Variants in KIF13A observed in about 807,000 individuals in gnomAD.
KIF13A encodes kinesin-like protein KIF13A.
Under a neutral mutation model 212.2 loss-of-function variants are expected in KIF13A, and 79 were observed. The ratio of observed to expected loss-of-function variants is 0.37; its 90% CI spans 0.31 to 0.45. The LOEUF (loss-of-function observed/expected upper bound fraction) is 0.45, where lower values mean the gene tolerates loss of function less well. Among genes scored for constraint, KIF13A ranks in the 20% least tolerant of loss-of-function variants. The probability of loss-of-function intolerance (pLI) is 1.00; values close to 1 mark genes in which losing one functional copy is unlikely to be tolerated. For missense variants in KIF13A, 1,901 were observed against 2,209.0 expected (o/e 0.86, Z 2.79); for synonymous variants, 789 against 808.6 (o/e 0.98, Z 0.41).
rs1308438891 is a variant in KIF13A at position 17,919,138 on chromosome 6, A to G, written c.147-20958T>C. 6.6e-6 allele frequency among the ~76,000 whole-genome samples: 1 copy of G among 152,234 alleles called. No homozygotes were observed. Among genetic ancestry groups the G allele is most frequent in the African/African-American group, 2.4e-5 (1 of 41,470 alleles). ...CTGAATAACTCCACTCTTTGGATTG[A>G]AGACCAAGTAAACATACATATAGTG... On this transcript the variant is annotated intron_variant, in intron 2 of 38. Coordinates refer to ENST00000259711, the MANE Select transcript of KIF13A (RefSeq NM_022113.6). This position sits in a 1 kb window ranked among gnomAD's most constrained non-coding sequence, Gnocchi z 4.1.
At chr6:17,923,698 A>G (rs1225867072) in intron 2 of KIF13A, among the ~76,000 whole-genome samples, 2 of 152,248 alleles carry the variant, frequency 1.3e-5, no homozygotes, top group East Asian at 3.8e-4. Flanking sequence ...GGAGCAGACC[A>G]AAATCTTTCA....
chr6:17,813,383 G>T (rs981740336), intron 17 of KIF13A, among the ~76,000 whole-genome samples: 1 of 152,100 alleles, frequency 6.6e-6, no homozygotes, highest in African/African-American at 2.4e-5. Context: ...GGGAGGCAGA[G>T]GTAGGAGAAT....
chr6:17,967,095 C>T lies in KIF13A; in HGVS notation c.146+19959G>A, dbSNP rs2150599767. Among the ~76,000 whole-genome samples the T allele has an allele frequency of 6.6e-6, 1 of 152,238 alleles. No individual in the cohort carries two copies. Among genetic ancestry groups the T allele is most frequent in the Non-Finnish European group, 1.5e-5 (1 of 68,020 alleles). ...TGCACTTTCTCAGGGGAAAAGTAAT[C>T]CGAGGAGATAAAAACTTTGGTGAAG... On this transcript the variant is annotated intron_variant, in intron 2 of 38. Coordinates refer to ENST00000259711, the MANE Select transcript of KIF13A (RefSeq NM_022113.6). The surrounding 1 kb of genome is among the most constrained non-coding windows in gnomAD (Gnocchi z 4.1).
chr6:17,987,402 T>G lies in KIF13A; in HGVS notation c.55+7A>C, dbSNP rs769304775. The G allele has an allele frequency of 1.5e-6, 2 of 1,369,960 alleles. No individual in the cohort carries two copies. Among genetic ancestry groups the G allele is most frequent in the East Asian group, 8.7e-5 (2 of 23,084 alleles). The allele number at this position is 1,369,960 out of a possible 1,614,324, so 84.9% of individuals were successfully genotyped here. A position where few individuals can be genotyped will look rare whatever the true frequency, so the allele number is the denominator to read the frequency against. The stretch of plus-strand genomic sequence containing the variant: ...GCAGAAATAAAAAAGAGCGGAAAGC[T>G]CCTCACCTCGTCGGTTCATGGGCCG... On this transcript the variant is annotated splice_region_variant and intron_variant, in intron 1 of 38. Transcript: ENST00000259711. This position sits in a 1 kb window ranked among gnomAD's most constrained non-coding sequence, Gnocchi z 7.7.
At chr6:17,873,350 T>G (rs756380188) in intron 4 of KIF13A, 27 bp downstream of exon 4, 52 of 1,517,376 alleles carry the variant, frequency 3.4e-5, no homozygotes, top group Non-Finnish European at 4.5e-5. Flanking sequence ...GAAGCCCAAC[T>G]GTCAGGTGTA....
At chr6:17,913,223 G>A (rs374429687) in intron 2 of KIF13A, among the ~76,000 whole-genome samples, 32 of 37,138 alleles carry the variant, frequency 8.6e-4, no homozygotes, top group Non-Finnish European at 2.9e-3. Context: ...GATTACGGGA[G>A]GAGCAGGGAG....
In KIF13A at chr6:17,898,302, T is replaced by C. The variant is rs1772748503; in HGVS notation, c.147-122A>G. ...AGGTAAATTCAGCACCTTGATAACA[T>C]GATCTGAAAGATATTCTTCTTCATG... On this transcript the variant is annotated intron_variant, in intron 2 of 38. Transcript: ENST00000259711. This position sits in a 1 kb window ranked among gnomAD's most constrained non-coding sequence, Gnocchi z 5.2. The C allele has an allele frequency of 2.3e-6, 2 of 869,954 alleles. No homozygotes were observed. Among genetic ancestry groups the C allele is most frequent in the Non-Finnish European group, 3.6e-6 (2 of 553,616 alleles). The allele number at this position is 869,954 out of a possible 1,614,324, so 53.9% of individuals were successfully genotyped here.
At chr6:17,950,689 A>G in intron 2 of KIF13A, 1 of 984,796 alleles carries the variant, frequency 1.0e-6, no homozygotes, top group Non-Finnish European at 1.2e-6. Flanking sequence ...GTCCTCAAAT[A>G]CACTTTTAAT....
At position 17,967,061 on chromosome 6, in the gene KIF13A, T is replaced by C. The variant is rs1426105459; in HGVS notation, c.146+19993A>G. Among the ~76,000 whole-genome samples the C allele has an allele frequency of 6.6e-6, 1 of 152,210 alleles. No individual in the cohort carries two copies. The highest frequency in any genetic ancestry group is 2.1e-4 in the South Asian group (1 of 4,822). On this transcript the variant is annotated intron_variant, in intron 2 of 38. Coordinates refer to ENST00000259711, the MANE Select transcript of KIF13A (RefSeq NM_022113.6). This position sits in a 1 kb window ranked among gnomAD's most constrained non-coding sequence, Gnocchi z 4.1. ...GATTTAGTAGACACTCTATTCCCTT[T>C]TGGTATTATGCACTTTCTCAGGGGA...
At chr6:17,803,864 T>C (rs1762693668) in intron 20 of KIF13A, among the ~76,000 whole-genome samples, 2 of 152,094 alleles carry the variant, frequency 1.3e-5, no homozygotes, top group African/African-American at 4.8e-5. Context: ...TTTAAGACCA[T>C]GACTTGGGCC....
chr6:17,931,229 G>A (rs1775958268), intron 2 of KIF13A, among the ~76,000 whole-genome samples: 1 of 152,278 alleles, frequency 6.6e-6, no homozygotes, highest in African/African-American at 2.4e-5. Context: ...TATCACTTTA[G>A]CTTTGTCTTA....
intron 2 of KIF13A, among the ~76,000 whole-genome samples, chr6:17,927,817 A>G (rs942505221): frequency 6.6e-6 from 1 of 152,214 alleles, no homozygotes; most frequent in African/African-American, 2.4e-5. Flanking sequence ...GGTCCAGGCA[A>G]GAAGACTCTT....
chr6:17,879,529 T>C (rs1770872478), intron 3 of KIF13A, among the ~76,000 whole-genome samples: 1 of 152,186 alleles, frequency 6.6e-6, no homozygotes, highest in Non-Finnish European at 1.5e-5. Context: ...ATTCGGTCAC[T>C]AGATGAGCAC....
chr6:17,976,073 G>GA (rs1780419986), intron 2 of KIF13A, among the ~76,000 whole-genome samples: 1 of 152,244 alleles, frequency 6.6e-6, no homozygotes, highest in Non-Finnish European at 1.5e-5. Context: ...TACAGTCCCT[G>GA]AGCTAGACAT....
At chr6:17,857,453 G>GT (rs992498975) in intron 4 of KIF13A, among the ~76,000 whole-genome samples, 27 of 152,274 alleles carry the variant, frequency 1.8e-4, no homozygotes, top group African/African-American at 6.3e-4. Flanking sequence ...TCGCTGCCAT[G>GT]TAAGACGTGC....
rs1406188760 is a variant in KIF13A, at chr6:17,968,984, T to C, written c.146+18070A>G. 6.6e-6 allele frequency among the ~76,000 whole-genome samples: 1 copy of C among 151,754 alleles called. No homozygotes were observed. Among genetic ancestry groups the C allele is most frequent in the Non-Finnish European group, 1.5e-5 (1 of 67,938 alleles). On this transcript the variant is annotated intron_variant, in intron 2 of 38. Coordinates refer to ENST00000259711, the MANE Select transcript of KIF13A (RefSeq NM_022113.6). The surrounding 1 kb of genome is among the most constrained non-coding windows in gnomAD (Gnocchi z 4.7). The stretch of plus-strand genomic sequence containing the variant: ...CCATATCTTTCATTATATTCAACTA[T>C]AAAACATCTACATCAGGTTGGTGTA...
rs1765196200 is a variant in KIF13A at position 17,828,939 on chromosome 6, G to A, written c.1402-569C>T. The stretch of plus-strand genomic sequence containing the variant: ...TATTAATGCCTGTGGGTCATACCAT[G>A]TACAAACGTGTGATTTTTTTTTTTT... On this transcript the variant is annotated intron_variant, in intron 13 of 38. Coordinates refer to ENST00000259711, the MANE Select transcript of KIF13A (RefSeq NM_022113.6). This position sits in a 1 kb window ranked among gnomAD's most constrained non-coding sequence, Gnocchi z 4.3. Among the ~76,000 whole-genome samples the A allele has an allele frequency of 1.4e-5, 2 of 146,342 alleles. No individual in the cohort carries two copies. The highest frequency in any genetic ancestry group is 5.0e-5 in the African/African-American group (2 of 40,132).
intron 3 of KIF13A, among the ~76,000 whole-genome samples, chr6:17,879,243 T>G (rs753183418): frequency 1.3e-5 from 2 of 152,178 alleles, no homozygotes; most frequent in Non-Finnish European, 2.9e-5. Flanking sequence ...CTTCCAAATC[T>G]AAATGGTGAG....
At chr6:17,879,647 G>A (rs1011132027) in intron 3 of KIF13A, among the ~76,000 whole-genome samples, 1 of 152,132 alleles carries the variant, frequency 6.6e-6, no homozygotes, top group Admixed American at 6.5e-5. Flanking sequence ...TTATTTGTTT[G>A]ACTGTCACTA....
Sources: gnomAD v4.1 joint callset for allele counts (sites outside exome capture counted in the v4.1 genomes callset) on GRCh38, gnomAD v4.1.1 for gene constraint, Gnocchi (gnomAD v3.1) non-coding constraint, MANE v1.5 for transcripts, NCBI Gene and HGNC (gene_info 2026-07-23, HGNC 2026-07-21) for gene names.